PTPRG: variants seen among roughly 807,000 people sequenced by gnomAD.
PTPRG encodes the protein receptor-type tyrosine-protein phosphatase gamma.
In PTPRG, 102 loss-of-function variants were observed where a neutral mutation model predicts 165.3. The ratio of observed to expected loss-of-function variants is 0.62; its 90% CI spans 0.53 to 0.73. The LOEUF (loss-of-function observed/expected upper bound fraction) is 0.73, where lower values mean the gene tolerates loss of function less well. PTPRG is among the 30% of genes least tolerant of loss of function. The pLI, the probability that PTPRG is intolerant of heterozygous loss-of-function variation, is 0.00. For synonymous variants in PTPRG, 675 were observed against 669.5 expected, an observed-to-expected ratio of 1.01 and a Z score of -0.13; for missense variants, 1,866 against 1,861.4, an observed-to-expected ratio of 1.00 and a Z score of -0.05.
chr3:61,817,625 AC>A (rs1371965258), intron 2 of PTPRG, among the ~76,000 whole-genome samples: 3 of 152,178 alleles, frequency 2.0e-5, no homozygotes, highest in Non-Finnish European at 4.4e-5. Flanking sequence ...GATGGGACAA[AC>A]CACCTACAGC....
chr3:61,675,875 C>G (rs1311705539), intron 1 of PTPRG, among the ~76,000 whole-genome samples: 3 of 152,254 alleles, frequency 2.0e-5, no homozygotes, highest in East Asian at 2.0e-4. Flanking sequence ...TCTACACATT[C>G]ACACCAATGC....
chr3:61,838,945 G>A lies in PTPRG; in HGVS notation c.190+89963G>A, dbSNP rs1382233325. On this transcript the variant is annotated intron_variant, in intron 2 of 29. Transcript: ENST00000474889. ...TCATGCTTAATAGGCTAGTCTTTAA[G>A]TGAACAATAGTGTGAAGTTAGCACA... 3.3e-5 allele frequency among the ~76,000 whole-genome samples: 5 copies of A among 152,172 alleles called. No homozygotes were observed. The East Asian group carries it at 7.7e-4, about 23-fold the overall frequency.
intron 1 of PTPRG, among the ~76,000 whole-genome samples, chr3:61,662,578 T>C (rs1204868695): frequency 6.6e-6 from 1 of 152,148 alleles, no homozygotes; most frequent in Non-Finnish European, 1.5e-5. Context: ...AGCCATTACG[T>C]TGTGGGATAA....
chr3:61,974,635 A>T (rs114856168), intron 2 of PTPRG, among the ~76,000 whole-genome samples: 1 of 152,170 alleles, frequency 6.6e-6, no homozygotes, highest in Non-Finnish European at 1.5e-5. Context: ...AACAAAAGCA[A>T]TTGCTTACTC....
chr3:61,910,832 A>C (rs1360149644), intron 2 of PTPRG, among the ~76,000 whole-genome samples: 1 of 152,178 alleles, frequency 6.6e-6, no homozygotes, highest in East Asian at 1.9e-4. Context: ...GCTTTGATTA[A>C]AACTGTCAGG....
intron 2 of PTPRG, among the ~76,000 whole-genome samples, chr3:61,815,978 A>G (rs1022864110): frequency 6.6e-6 from 1 of 152,186 alleles, no homozygotes; most frequent in African/African-American, 2.4e-5. Flanking sequence ...ACCCTTGAAA[A>G]TATTACTACA....
At chr3:61,734,750 A>T (rs929767737) in intron 1 of PTPRG, among the ~76,000 whole-genome samples, 1 of 152,174 alleles carries the variant, frequency 6.6e-6, no homozygotes, top group South Asian at 2.1e-4. Flanking sequence ...TCTCCTTCCT[A>T]TCCCAAGTTT....
intron 2 of PTPRG, among the ~76,000 whole-genome samples, chr3:61,877,928 T>A (rs1315454373): frequency 6.6e-6 from 1 of 152,200 alleles, no homozygotes; most frequent in East Asian, 1.9e-4. Flanking sequence ...CTATCATTCT[T>A]TGAGTTTAAT....
At position 62,228,390 on chromosome 3, in the gene PTPRG, T is replaced by A. The variant is rs1700814754; in HGVS notation, c.2289-2835T>A. Among the ~76,000 whole-genome samples, 1 of 151,490 alleles carries A rather than the reference T, an allele frequency of 6.6e-6. No homozygotes were observed. Among genetic ancestry groups the A allele is most frequent in the Admixed American group, 6.6e-5 (1 of 15,208 alleles). Reference sequence around the variant, plus strand: ...AAAAACAATTAGCCGGATGTGGTGGTGGGTGCCTGTAATCCCAGCTACTTG... The same window carrying A: ...AAAAACAATTAGCCGGATGTGGTGGAGGGTGCCTGTAATCCCAGCTACTTG... On this transcript the variant is annotated intron_variant, in intron 13 of 29. Coordinates refer to ENST00000474889, the MANE Select transcript of PTPRG (RefSeq NM_002841.4). The surrounding 1 kb of genome is among the most constrained non-coding windows in gnomAD (Gnocchi z 4.1).
At chr3:62,114,595 C>T (rs759651315) in intron 5 of PTPRG, among the ~76,000 whole-genome samples, 2 of 152,136 alleles carry the variant, frequency 1.3e-5, no homozygotes, top group Non-Finnish European at 2.9e-5. Flanking sequence ...CAGTAAGAAG[C>T]AGAATAAGGA....
At chr3:61,778,524 A>C (rs934127451) in intron 2 of PTPRG, among the ~76,000 whole-genome samples, 47 of 152,148 alleles carry the variant, frequency 3.1e-4, no homozygotes, top group Admixed American at 2.6e-3. Context: ...TTAGGCCCGG[A>C]ACGTTGGGGT....
chr3:61,964,685 C>G (rs571575630), intron 2 of PTPRG, among the ~76,000 whole-genome samples: 27 of 152,184 alleles, frequency 1.8e-4, no homozygotes, highest in African/African-American at 6.5e-4. Context: ...CTTTTTTCCA[C>G]TCTTTATTAT....
At chr3:61,739,354 G>A (rs1412324626) in intron 1 of PTPRG, 2 of 152,114 alleles carry the variant, frequency 1.3e-5, no homozygotes, top group African/African-American at 4.8e-5. Flanking sequence ...GCCAATAGTG[G>A]TGGAAAGACT....
At chr3:62,022,984 A>T (rs1459545198) in intron 4 of PTPRG, among the ~76,000 whole-genome samples, 1 of 152,136 alleles carries the variant, frequency 6.6e-6, no homozygotes, top group Non-Finnish European at 1.5e-5. Context: ...GTTTATTAAA[A>T]CAATATAATT....
intron 6 of PTPRG, among the ~76,000 whole-genome samples, chr3:62,148,459 C>T (rs1704203657): frequency 1.3e-5 from 2 of 152,058 alleles, no homozygotes; most frequent in African/African-American, 2.4e-5. Flanking sequence ...ATTAGTTTTA[C>T]ATTTAAAAAG....
At chr3:61,793,599 C>CA (rs1559615068) in intron 2 of PTPRG, among the ~76,000 whole-genome samples, 1 of 151,844 alleles carries the variant, frequency 6.6e-6, no homozygotes, top group South Asian at 2.1e-4. Context: ...TCTTTTCTAT[C>CA]AAAAAATAAG....
chr3:62,282,630 C>CTA (rs1165193710), intron 27 of PTPRG, 97 bp from the exon 28 acceptor site: 1 of 1,248,368 alleles, frequency 8.0e-7, no homozygotes, highest in Non-Finnish European at 1.1e-6. Flanking sequence ...TGAGAGTTAC[C>CTA]TATAACACAT....
At chr3:61,724,625 T>A (rs911057110) in intron 1 of PTPRG, among the ~76,000 whole-genome samples, 1 of 152,030 alleles carries the variant, frequency 6.6e-6, no homozygotes, top group East Asian at 1.9e-4. Context: ...AGAGATCCAG[T>A]TTTTTTGCAT....
intron 2 of PTPRG, among the ~76,000 whole-genome samples, chr3:61,820,446 A>C (rs897597352): frequency 5.9e-5 from 9 of 152,108 alleles, no homozygotes; most frequent in African/African-American, 2.2e-4. Flanking sequence ...CATCTGCTTT[A>C]AACAGTCTAT....
Sources: gnomAD v4.1 joint callset for allele counts (sites outside exome capture counted in the v4.1 genomes callset) on GRCh38, gnomAD v4.1.1 for gene constraint, Gnocchi (gnomAD v3.1) non-coding constraint, MANE v1.5 for transcripts, NCBI Gene and HGNC (gene_info 2026-07-23, HGNC 2026-07-21) for gene names.